Variants in COL4A2 observed in about 807,000 individuals in gnomAD.
The protein encoded by COL4A2 is collagen type IV alpha 2 chain.
COL4A2 carries 99 observed loss-of-function variants against 200.2 expected under a neutral mutation model. The ratio of observed to expected loss-of-function variants is 0.49; its 90% confidence interval spans 0.42 to 0.58. The LOEUF (loss-of-function observed/expected upper bound fraction) is 0.58. Ranked by LOEUF, COL4A2 falls within the 20% of genes least tolerant of loss-of-function variation. The probability of loss-of-function intolerance (pLI) is 0.00; values close to 1 mark genes in which losing one functional copy is unlikely to be tolerated. For synonymous variants in COL4A2, 897 were observed against 900.6 expected (o/e 1.00, Z 0.07); for missense variants, 1,950 against 2,314.1 (o/e 0.84, Z 3.23).
At chr13:110,333,878 A>G (rs530873472) in intron 3 of COL4A2, among the ~76,000 whole-genome samples, 1 of 152,362 alleles carries the variant, frequency 6.6e-6, no homozygotes, top group South Asian at 2.1e-4. Context: ...CTTTACACGA[A>G]TGACCTCAAG....
At chr13:110,422,074 T>C (rs1042544142) in intron 4 of COL4A2, among the ~76,000 whole-genome samples, 1 of 152,208 alleles carries the variant, frequency 6.6e-6, no homozygotes, top group African/African-American at 2.4e-5. Context: ...TGGATAGATA[T>C]GTAGTTTATG....
intron 30 of COL4A2, among the ~76,000 whole-genome samples, chr13:110,479,836 G>A (rs910404954): frequency 4.6e-5 from 7 of 152,158 alleles, no homozygotes; most frequent in African/African-American, 1.7e-4. Context: ...GACTAACTCC[G>A]GGCTGGAGCC....
At chr13:110,462,469 A>G in intron 24 of COL4A2, 85 bp downstream of exon 24, 1 of 1,406,064 alleles carries the variant, frequency 7.1e-7, no homozygotes, top group Non-Finnish European at 9.8e-7. Flanking sequence ...AACAGTATTG[A>G]CATGAGCACT....
chr13:110,438,936 C>T (rs577630057), intron 15 of COL4A2, among the ~76,000 whole-genome samples: 8 of 152,298 alleles, frequency 5.3e-5, no homozygotes, highest in Admixed American at 3.3e-4. Context: ...CGGCCCTCCC[C>T]GTGGAGGAGG....
intron 4 of COL4A2, among the ~76,000 whole-genome samples, chr13:110,418,468 T>C (rs1034018758): frequency 1.3e-5 from 2 of 152,244 alleles, no homozygotes; most frequent in African/African-American, 2.4e-5. Flanking sequence ...TGTTTTCTTC[T>C]AGAAGCGATA....
chr13:110,315,197 C>T (rs2139344427), intron 3 of COL4A2, among the ~76,000 whole-genome samples: 1 of 152,336 alleles, frequency 6.6e-6, no homozygotes, highest in Middle Eastern at 3.4e-3. Flanking sequence ...ATCAGGTGAC[C>T]CGCAGCAGGT....
chr13:110,462,384 C>A lies in COL4A2; in HGVS notation c.1776C>A (p.Pro592=). 6.2e-7 allele frequency: 1 copy of A among 1,612,056 alleles called. No individual in the cohort carries two copies. The highest frequency in any genetic ancestry group is 8.5e-7 in the Non-Finnish European group (1 of 1,179,814). Residue 592 remains proline (P), a splice_region_variant and synonymous_variant, in exon 24 of 48, where the codon CCC becomes CCA. Coordinates refer to ENST00000360467, the MANE Select transcript of COL4A2 (RefSeq NM_001846.4). ...GATTCCCCGGCCTCCCAGGCCCTCC[C>A]GTGAGTAGCCACAAACTGCGGCAGC... ...LDGFPGLPGP[P]GDGIKGPPGD...
chr13:110,400,634 A>G (rs1257484946), intron 4 of COL4A2, among the ~76,000 whole-genome samples: 3 of 152,240 alleles, frequency 2.0e-5, no homozygotes, highest in African/African-American at 7.2e-5. Context: ...AAAAGGGGGA[A>G]AAATATTGTA....
chr13:110,384,479 C>T (rs754563060), intron 4 of COL4A2, among the ~76,000 whole-genome samples: 8 of 152,188 alleles, frequency 5.3e-5, no homozygotes, highest in Non-Finnish European at 2.9e-5. Context: ...TGGACTCTTG[C>T]GGGCCATGCT....
intron 16 of COL4A2, among the ~76,000 whole-genome samples, chr13:110,441,028 G>T (rs1364603151): frequency 6.6e-6 from 1 of 152,242 alleles, no homozygotes; most frequent in Admixed American, 6.5e-5. Flanking sequence ...CGCCCTCGAG[G>T]TGGTTTTCAT....
At chr13:110,361,794 G>C (rs1325352248) in intron 4 of COL4A2, among the ~76,000 whole-genome samples, 1 of 152,208 alleles carries the variant, frequency 6.6e-6, no homozygotes, top group Non-Finnish European at 1.5e-5. Flanking sequence ...GTTGAGGCCT[G>C]AAGAGGCAAG....
intron 3 of COL4A2, among the ~76,000 whole-genome samples, chr13:110,309,726 G>A (rs1444864473): frequency 1.3e-5 from 2 of 152,108 alleles, no homozygotes; most frequent in Non-Finnish European, 1.5e-5. Context: ...GGCGGCTCAC[G>A]CCTGTAATCT....
chr13:110,453,800 C>T (rs1297437371), intron 20 of COL4A2, among the ~76,000 whole-genome samples: 1 of 152,202 alleles, frequency 6.6e-6, no homozygotes, highest in Non-Finnish European at 1.5e-5. Context: ...TATATTACCC[C>T]TGTGAGACAC....
intron 4 of COL4A2, among the ~76,000 whole-genome samples, chr13:110,406,608 A>G (rs1436163530): frequency 2.0e-5 from 3 of 149,458 alleles, no homozygotes; most frequent in Non-Finnish European, 3.0e-5. Context: ...TTTAGATGTG[A>G]GTACCTGGTT....
chr13:110,474,679 ACACGTACC>A (rs1882614468), intron 29 of COL4A2, among the ~76,000 whole-genome samples: 1 of 138,016 alleles, frequency 7.2e-6, no homozygotes, highest in Admixed American at 7.3e-5. Context: ...CACTCCTTAC[ACACGTACC>A]CACACACGTG....
intron 25 of COL4A2, 128 bp from the exon 26 acceptor site, chr13:110,465,875 T>C (rs566789581): frequency 7.4e-5 from 89 of 1,208,364 alleles, no homozygotes; most frequent in African/African-American, 4.0e-4. Flanking sequence ...CCCTGCCCAT[T>C]TCAAAGCCTT....
intron 4 of COL4A2, among the ~76,000 whole-genome samples, chr13:110,377,496 T>C (rs1373349794): frequency 6.6e-6 from 1 of 152,196 alleles, no homozygotes; most frequent in Non-Finnish European, 1.5e-5. Flanking sequence ...CTGCAGCTGC[T>C]CCTGGGTGTG....
chr13:110,308,107 C>T lies in COL4A2; in HGVS notation c.83C>T (p.Ala28Val). Reference sequence around the variant, plus strand: ...GGGACAGTGACCGTGGGGTTCCTCGCCCAGAGCGTCTTGGCGGTAAGTCCT... The same window carrying T: ...GGGACAGTGACCGTGGGGTTCCTCGTCCAGAGCGTCTTGGCGGTAAGTCCT... ...LLGTVTVGFL[A>V]QSVLAGVKKF... Residue 28 changes from alanine to valine, a missense_variant, in exon 3 of 48, where the codon GCC becomes GTC. Transcript: ENST00000360467. 1 of 1,613,810 alleles carries T rather than the reference C, an allele frequency of 6.2e-7. No homozygotes were observed. Among genetic ancestry groups the T allele is most frequent in the South Asian group, 1.1e-5 (1 of 91,084 alleles).
chr13:110,496,524 A>G (rs1883459884), intron 40 of COL4A2, among the ~76,000 whole-genome samples: 1 of 151,962 alleles, frequency 6.6e-6, no homozygotes, highest in South Asian at 2.1e-4. Context: ...GATCCAGGAC[A>G]GTCCACCAGC....
Sources: gnomAD v4.1 joint callset for allele counts (sites outside exome capture counted in the v4.1 genomes callset) on GRCh38, gnomAD v4.1.1 for gene constraint, MANE v1.5 for transcripts, NCBI Gene and HGNC (gene_info 2026-07-23, HGNC 2026-07-21) for gene names.